The following GRM8 variants were observed in gnomAD, a reference collection of about 807,000 sequenced individuals.
GRM8 encodes the protein glutamate metabotropic receptor 8.
A neutral mutation model predicts 87.2 loss-of-function variants in GRM8; 47 were observed. That is an observed-to-expected ratio of 0.54 (90% CI 0.43 to 0.69). GRM8 has a LOEUF of 0.69. Ranked by LOEUF, GRM8 falls within the 30% of genes least tolerant of loss-of-function variation. The probability of loss-of-function intolerance (pLI) is 0.00; values close to 1 mark genes in which losing one functional copy is unlikely to be tolerated. For missense variants in GRM8, 1,019 were observed against 1,139.2 expected, an observed-to-expected ratio of 0.89 and a Z score of 1.52; for synonymous variants, 396 against 404.5, an observed-to-expected ratio of 0.98 and a Z score of 0.25.
chr7:126,529,596 T>A (rs978954094), intron 9 of GRM8, among the ~76,000 whole-genome samples: 7 of 152,216 alleles, frequency 4.6e-5, no homozygotes, highest in African/African-American at 1.7e-4. Context: ...TTTTATTTTC[T>A]TTTCCACTTT....
At chr7:126,811,776 T>C (rs1240562072) in intron 6 of GRM8, among the ~76,000 whole-genome samples, 1 of 152,090 alleles carries the variant, frequency 6.6e-6, no homozygotes, top group Non-Finnish European at 1.5e-5. Flanking sequence ...TCTTCAGGGT[T>C]TTCTAGATGT....
intron 9 of GRM8, among the ~76,000 whole-genome samples, 184 bp downstream of exon 9, chr7:126,532,768 T>G (rs552359559): frequency 1.8e-3 from 9 of 5,010 alleles, no homozygotes; most frequent in East Asian, 8.5e-3. Context: ...GATGGAGATA[T>G]ATATATATAT....
chr7:126,861,774 G>A (rs1487834259), intron 6 of GRM8, among the ~76,000 whole-genome samples: 1 of 151,602 alleles, frequency 6.6e-6, no homozygotes, highest in Non-Finnish European at 1.5e-5. Context: ...CTAATTCGTT[G>A]GAGTTATAAG....
intron 9 of GRM8, among the ~76,000 whole-genome samples, chr7:126,508,989 A>T (rs755975581): frequency 1.3e-5 from 2 of 152,008 alleles, no homozygotes; most frequent in Non-Finnish European, 2.9e-5. Context: ...GACCCAGGTG[A>T]TTTACAAAAA....
At chr7:126,936,952 CA>C (rs1464055546) in intron 3 of GRM8, among the ~76,000 whole-genome samples, 1 of 152,216 alleles carries the variant, frequency 6.6e-6, no homozygotes, top group African/African-American at 2.4e-5. Context: ...TTCTAATATA[CA>C]GTTTCTACCT....
intron 7 of GRM8, among the ~76,000 whole-genome samples, chr7:126,765,965 T>C (rs1818151788): frequency 6.6e-6 from 1 of 152,132 alleles, no homozygotes; most frequent in Non-Finnish European, 1.5e-5. Context: ...TTGTAGCTTA[T>C]GTCTTTGATG....
At chr7:127,248,502 G>A (rs559276310) in intron 1 of GRM8, among the ~76,000 whole-genome samples, 15 of 152,282 alleles carry the variant, frequency 9.9e-5, no homozygotes, top group Non-Finnish European at 1.6e-4. Context: ...AGAGTCCTAG[G>A]AGACACTGAT....
chr7:126,836,345 AGAATGATGAT>A (rs1795827591), intron 6 of GRM8, among the ~76,000 whole-genome samples: 1 of 152,242 alleles, frequency 6.6e-6, no homozygotes, highest in Non-Finnish European at 1.5e-5. Context: ...CACCACCAGA[AGAATGATGAT>A]GTATGTTGGT....
At chr7:126,674,932 T>C (rs1004482227) in intron 7 of GRM8, among the ~76,000 whole-genome samples, 4 of 152,332 alleles carry the variant, frequency 2.6e-5, no homozygotes, top group African/African-American at 9.6e-5. Flanking sequence ...ATTGATCCCT[T>C]CATTCTTCAA....
rs554966933 is a variant in GRM8, at chr7:126,448,518, T to C, written c.2431-2146A>G. On this transcript the variant is annotated intron_variant, in intron 9 of 10. Transcript: ENST00000339582. ...CCAAATATTAGACATGAAGAGGACT[T>C]TGGAATGCTAGCTTCCTCGTTAAAT... 1.8e-4 allele frequency among the ~76,000 whole-genome samples: 28 copies of C among 152,086 alleles called. 1 individual carries two copies. The highest frequency in any genetic ancestry group is 6.0e-4 in the African/African-American group (25 of 41,560).
At chr7:126,471,734 A>C (rs989550813) in intron 9 of GRM8, among the ~76,000 whole-genome samples, 3 of 151,874 alleles carry the variant, frequency 2.0e-5, no homozygotes, top group Non-Finnish European at 4.4e-5. Flanking sequence ...GAAGAAAGTC[A>C]TTGGTAGCTT....
At chr7:126,945,332 AT>A (rs1807417567) in intron 3 of GRM8, among the ~76,000 whole-genome samples, 1 of 152,316 alleles carries the variant, frequency 6.6e-6, no homozygotes, top group Admixed American at 6.5e-5. Flanking sequence ...AGAGTGATGG[AT>A]ATAGAAGTTT....
At chr7:126,962,791 C>A (rs534131823) in intron 3 of GRM8, among the ~76,000 whole-genome samples, 2 of 152,280 alleles carry the variant, frequency 1.3e-5, no homozygotes, top group South Asian at 4.1e-4. Flanking sequence ...ACTACCACAA[C>A]CCACATATTT....
At chr7:126,822,470 T>A (rs1794381435) in intron 6 of GRM8, among the ~76,000 whole-genome samples, 1 of 151,882 alleles carries the variant, frequency 6.6e-6, no homozygotes, top group Admixed American at 6.6e-5. Context: ...CCTTCCTCTT[T>A]TATTTTTCTT....
intron 2 of GRM8, among the ~76,000 whole-genome samples, chr7:127,218,556 A>G (rs1219246497): frequency 6.6e-6 from 1 of 152,198 alleles, no homozygotes; most frequent in African/African-American, 2.4e-5. Context: ...GTTGTGAAGG[A>G]CAACTGAGTA....
chr7:126,628,057 T>C (rs1271588415), intron 7 of GRM8, among the ~76,000 whole-genome samples: 3 of 152,302 alleles, frequency 2.0e-5, no homozygotes, highest in East Asian at 3.9e-4. Context: ...TTCTTTTTTT[T>C]TGTTCGAGAC....
chr7:126,989,504 C>T (rs922734979), intron 3 of GRM8, among the ~76,000 whole-genome samples: 5 of 152,174 alleles, frequency 3.3e-5, no homozygotes, highest in East Asian at 3.9e-4. Flanking sequence ...TTCAACTATA[C>T]GTTTGCCTTG....
At position 127,080,491 on chromosome 7, in the gene GRM8, C is replaced by T. The variant is rs1402159027; in HGVS notation, c.727+26005G>A. On this transcript the variant is annotated intron_variant, in intron 3 of 10. Coordinates refer to ENST00000339582, the MANE Select transcript of GRM8 (RefSeq NM_000845.3). ...CCCCAAGAACCAATTTTGGTCACCA[C>T]GGTGGCAATTCTGCCACCACTGAGA... Among the ~76,000 whole-genome samples, 4 of 152,146 alleles carry T rather than the reference C, an allele frequency of 2.6e-5. No individual in the cohort carries two copies. The South Asian group carries it at 6.2e-4, about 24-fold the overall frequency.
intron 3 of GRM8, among the ~76,000 whole-genome samples, chr7:126,913,941 T>C (rs1439481418): frequency 3.3e-5 from 5 of 152,244 alleles, no homozygotes; most frequent in Non-Finnish European, 7.3e-5. Context: ...CTTATATTTA[T>C]GTTCATTTTC....
Sources: gnomAD v4.1 joint callset for allele counts (sites outside exome capture counted in the v4.1 genomes callset) on GRCh38, gnomAD v4.1.1 for gene constraint, MANE v1.5 for transcripts, NCBI Gene and HGNC (gene_info 2026-07-23, HGNC 2026-07-21) for gene names.